DYNC2H1: variants seen among roughly 807,000 people sequenced by gnomAD.
DYNC2H1 encodes the protein cytoplasmic dynein 2 heavy chain 1.
DYNC2H1 carries 410 observed loss-of-function variants against 570.0 expected under a neutral mutation model. The observed-to-expected ratio is 0.72, with a 90% CI of 0.66 to 0.78. The LOEUF (loss-of-function observed/expected upper bound fraction) is 0.78, where lower values mean the gene tolerates loss of function less well. Ranked by LOEUF, DYNC2H1 falls within the 30% of genes least tolerant of loss-of-function variation. DYNC2H1 has a pLI of 0.00. For missense variants in DYNC2H1, 4,865 were observed against 5,046.4 expected (o/e 0.96, Z 1.09); for synonymous variants, 1,688 against 1,677.6 (o/e 1.01, Z -0.15).
At chr11:103,405,995 A>G (rs1942850064) in intron 84 of DYNC2H1, among the ~76,000 whole-genome samples, 1 of 152,026 alleles carries the variant, frequency 6.6e-6, no homozygotes, top group African/African-American at 2.4e-5. Context: ...GGGCAGGAGA[A>G]GTAGATTGAA....
intron 82 of DYNC2H1, among the ~76,000 whole-genome samples, chr11:103,336,899 A>G (rs988524748): frequency 6.6e-6 from 1 of 151,994 alleles, no homozygotes; most frequent in African/African-American, 2.4e-5. Context: ...TTTTTTGGAT[A>G]TATACCCAGA....
chr11:103,302,120 A>C (rs1418006664), intron 75 of DYNC2H1, among the ~76,000 whole-genome samples: 2 of 152,036 alleles, frequency 1.3e-5, no homozygotes, highest in East Asian at 3.8e-4. Context: ...TCTTATCTGA[A>C]TAGGACTTTA....
chr11:103,179,344 T>G (rs1861757306), intron 39 of DYNC2H1, 111 bp downstream of exon 39: 1 of 959,930 alleles, frequency 1.0e-6, no homozygotes. Context: ...TTTTTCCCAT[T>G]TATGATTAAC....
At chr11:103,442,402 G>A (rs1482026907) in intron 85 of DYNC2H1, among the ~76,000 whole-genome samples, 2 of 152,164 alleles carry the variant, frequency 1.3e-5, no homozygotes, top group Non-Finnish European at 2.9e-5. Context: ...TATGAACTTA[G>A]GGTATATATC....
chr11:103,221,779 C>A (rs185631129), intron 57 of DYNC2H1, among the ~76,000 whole-genome samples: 32 of 152,190 alleles, frequency 2.1e-4, no homozygotes, highest in African/African-American at 7.7e-4. Context: ...TCGCTTGAGC[C>A]CAGGAGGTGG....
At chr11:103,191,449 T>C (rs1862307274) in intron 45 of DYNC2H1, 68 bp from the exon 46 acceptor site, 4 of 1,280,258 alleles carry the variant, frequency 3.1e-6, no homozygotes, top group South Asian at 2.6e-5. Flanking sequence ...CTAAGGAGAC[T>C]GAAAAATTTA....
intron 70 of DYNC2H1, among the ~76,000 whole-genome samples, chr11:103,266,222 G>A (rs2135292637): frequency 6.6e-6 from 1 of 152,260 alleles, no homozygotes; most frequent in Admixed American, 6.5e-5. Flanking sequence ...AGCTGTGTCA[G>A]GGTACTAAAT....
chr11:103,429,639 C>G (rs7104930), intron 84 of DYNC2H1, among the ~76,000 whole-genome samples: 45,344 of 152,028 alleles, frequency 0.3, 6,828 homozygotes, highest in South Asian at 0.35. Context: ...TTGTTTCGCT[C>G]TGAAACTTGT....
At chr11:103,213,572 G>A (rs1458161754) in intron 54 of DYNC2H1, among the ~76,000 whole-genome samples, 1 of 151,544 alleles carries the variant, frequency 6.6e-6, no homozygotes, top group African/African-American at 2.4e-5. Context: ...TGATCAAAGG[G>A]TGATTAGTGA....
intron 29 of DYNC2H1, among the ~76,000 whole-genome samples, 195 bp from the exon 30 acceptor site, chr11:103,162,833 T>G (rs1261601790): frequency 6.6e-6 from 1 of 152,190 alleles, no homozygotes; most frequent in Non-Finnish European, 1.5e-5. Context: ...TTATTTAAAC[T>G]GTTTATTAAG....
intron 82 of DYNC2H1, among the ~76,000 whole-genome samples, chr11:103,356,815 T>C (rs917672135): frequency 2.0e-5 from 3 of 152,216 alleles, no homozygotes; most frequent in African/African-American, 7.2e-5. Context: ...ACATTCATTC[T>C]GAAAGATTTA....
chr11:103,338,013 T>G (rs1458481861), intron 82 of DYNC2H1, among the ~76,000 whole-genome samples: 1 of 152,216 alleles, frequency 6.6e-6, no homozygotes, highest in Non-Finnish European at 1.5e-5. Flanking sequence ...CAGTTTCAGG[T>G]ATTATATTTA....
rs193263757 is a variant in DYNC2H1, at chr11:103,467,066, C to A, written c.12649-1523C>A. Among the ~76,000 whole-genome samples the A allele has an allele frequency of 2.3e-3, 346 of 151,872 alleles. 2 individuals carry two copies. The highest frequency in any genetic ancestry group is 0.017 in the Middle Eastern group (5 of 294). On this transcript the variant is annotated intron_variant, in intron 87 of 88. Transcript: ENST00000375735. ...AAATGAAAGAACAAAATGGATGCAC[C>A]TTAAAACCAATAATGAAGGAAAAGA...
chr11:103,138,979 A>G (rs1450563284), intron 17 of DYNC2H1, among the ~76,000 whole-genome samples: 2 of 151,634 alleles, frequency 1.3e-5, no homozygotes, highest in African/African-American at 4.8e-5. Flanking sequence ...CATTTCTTCT[A>G]GATTTTCTAG....
rs1044465315 is a variant in DYNC2H1, at chr11:103,231,408, A to G, written c.9440+62A>G. ...GAGAGTGTTTACATTTGACATCTTG[A>G]TTTCTTTCTTGTTTTGACTTTTAAG... On this transcript the variant is annotated intron_variant, in intron 60 of 88. Transcript: ENST00000375735. 38 of 1,107,816 alleles carry G rather than the reference A, an allele frequency of 3.4e-5. No individual in the cohort carries two copies. In the African/African-American group the frequency reaches 4.3e-4, roughly 13 times the overall value. The allele number at this position is 1,107,816 out of a possible 1,614,324, so 68.6% of individuals were successfully genotyped here.
intron 17 of DYNC2H1, among the ~76,000 whole-genome samples, chr11:103,137,213 A>G (rs891171098): frequency 3.2e-4 from 48 of 148,936 alleles, no homozygotes; most frequent in African/African-American, 1.2e-3. Context: ...TTTGCTGTGC[A>G]GAAGCTCTTT....
intron 85 of DYNC2H1, among the ~76,000 whole-genome samples, chr11:103,444,358 A>G (rs964254835): frequency 2.0e-5 from 3 of 152,038 alleles, no homozygotes; most frequent in African/African-American, 7.2e-5. Flanking sequence ...CATATAGTGA[A>G]TATTTTTAAA....
chr11:103,121,532 A>G (rs991028125), intron 10 of DYNC2H1, 36 bp downstream of exon 10: 2 of 1,596,136 alleles, frequency 1.3e-6, no homozygotes, highest in East Asian at 2.2e-5. Flanking sequence ...AGTACTAATT[A>G]TAAAATCTGC....
chr11:103,236,085 T>A (rs1247327382), intron 62 of DYNC2H1, among the ~76,000 whole-genome samples: 1 of 151,984 alleles, frequency 6.6e-6, no homozygotes, highest in Non-Finnish European at 1.5e-5. Context: ...ATTGCATAGA[T>A]GCAATTAAAC....
Sources: gnomAD v4.1 joint callset for allele counts (sites outside exome capture counted in the v4.1 genomes callset) on GRCh38, gnomAD v4.1.1 for gene constraint, MANE v1.5 for transcripts, NCBI Gene and HGNC (gene_info 2026-07-23, HGNC 2026-07-21) for gene names.